Variants in TMPRSS7 observed in about 807,000 individuals in gnomAD.
TMPRSS7 encodes the protein transmembrane serine protease 7.
In TMPRSS7, 81 loss-of-function variants were observed where a neutral mutation model predicts 95.6. The ratio of observed to expected loss-of-function variants is 0.85; its 90% confidence interval spans 0.71 to 1.02. The LOEUF (loss-of-function observed/expected upper bound fraction) is 1.02. Ranked by LOEUF, TMPRSS7 falls within the 50% of genes least tolerant of loss-of-function variation. TMPRSS7 has a pLI of 0.00. For missense variants in TMPRSS7, 945 were observed against 955.2 expected, an observed-to-expected ratio of 0.99 and a Z score of 0.14; for synonymous variants, 364 against 337.8, an observed-to-expected ratio of 1.08 and a Z score of -0.85.
intron 12 of TMPRSS7, among the ~76,000 whole-genome samples, chr3:112,064,822 CTA>C (rs1331442730): frequency 6.6e-6 from 1 of 152,146 alleles, no homozygotes; most frequent in Non-Finnish European, 1.5e-5. Context: ...ATTCTTGAAT[CTA>C]TCTCTAGTTT....
exon 5 of TMPRSS7, chr3:112,045,844 G>A (rs866247414): frequency 1.4e-5 from 21 of 1,551,790 alleles, no homozygotes; most frequent in Middle Eastern, 1.7e-4. Context: ...CTGTGTTGCC[G>A]CCATCTTGAA....
At chr3:112,050,530 A>AAAAAAAAAAAAAAC in intron 8 of TMPRSS7, 141 bp from the exon 9 acceptor site, 1 of 363,876 alleles carries the variant, frequency 2.7e-6, no homozygotes, top group Admixed American at 3.7e-5. Context: ...CTGAAAAAAA[A>AAAAAAAAAAAAAAC]AAAAAAAACC....
Position 112,077,065 on chromosome 3 carries a change from A to G in TMPRSS7, c.2145A>G (p.Ile715Met), listed in dbSNP as rs1445387234. 1.9e-5 allele frequency: 31 copies of G among 1,614,072 alleles called. No homozygotes were observed. The East Asian group carries it at 6.0e-4, about 31-fold the overall frequency. The change falls in exon 16 of 18, where the codon ATA becomes ATG. Residue 715 changes from isoleucine (I) to methionine (M), a missense_variant. Transcript: ENST00000452346. ...CCCTGAAACAGCTCATTCAGCCAATATGCATTCCTCCCACTGGTCAGAGAG... is the reference window on the plus strand; with the variant it reads ...CCCTGAAACAGCTCATTCAGCCAATGTGCATTCCTCCCACTGGTCAGAGAG...
exon 14 of TMPRSS7, chr3:112,074,347 G>A: frequency 6.2e-7 from 1 of 1,614,070 alleles, no homozygotes; most frequent in Non-Finnish European, 8.5e-7. Flanking sequence ...ATTTGCTTTA[G>A]GAAACAAAAT....
At chr3:112,048,036 T>A (rs1396573921) in intron 7 of TMPRSS7, 69 bp downstream of exon 7, 1 of 1,458,892 alleles carries the variant, frequency 6.9e-7, no homozygotes, top group East Asian at 2.3e-5. Context: ...AGTATCTGTG[T>A]TCCCCCTGGA....
intron 8 of TMPRSS7, 103 bp from the exon 9 acceptor site, chr3:112,050,568 T>G: frequency 2.4e-6 from 1 of 417,036 alleles, no homozygotes; most frequent in Non-Finnish European, 4.2e-6. Context: ...ATAAAGCTTG[T>G]CGATCAAGGA....
chr3:112,062,056 TATAATAA>T (rs2073515391), intron 11 of TMPRSS7, 133 bp downstream of exon 11: 2 of 402,934 alleles, frequency 5.0e-6, no homozygotes, highest in Admixed American at 9.7e-5. Flanking sequence ...TACTTATTTC[TATAATAA>T]ATAATAATTA....
intron 7 of TMPRSS7, 94 bp from the exon 8 acceptor site, chr3:112,049,750 A>G: frequency 9.5e-7 from 1 of 1,049,560 alleles, no homozygotes; most frequent in Non-Finnish European, 1.3e-6. Flanking sequence ...GATTGAATGG[A>G]TGGCCCAGGA....
chr3:112,057,182 A>T lies in TMPRSS7; in HGVS notation c.1310+51A>T, dbSNP rs1576110009. 1.6e-5 allele frequency: 21 copies of T among 1,326,992 alleles called. No individual in the cohort carries two copies. In the East Asian group the frequency reaches 4.6e-4, roughly 29 times the overall value. The allele number at this position is 1,326,992 out of a possible 1,614,324, so 82.2% of individuals were successfully genotyped here. On this transcript the variant is annotated intron_variant, in intron 10 of 17. Coordinates refer to ENST00000452346, the Ensembl canonical transcript of TMPRSS7. ...ATGTGAGGCATCTGATGAAAAGTTC[A>T]TAGCTGTGTGTTCCTTGTCCTCAAA...
rs938356017 is a variant in TMPRSS7, at chr3:112,078,950, A to G, written c.2361+72A>G. 3.2e-6 allele frequency: 5 copies of G among 1,543,198 alleles called. No individual in the cohort carries two copies. The Admixed American group carries it at 5.4e-5, about 17-fold the overall frequency. ...AAATGCTTTCTCACTTAATCTACAT[A>G]ACACTGGGAAATAACCAGGGCAGGT... On this transcript the variant is annotated intron_variant, in intron 17 of 17. Coordinates refer to ENST00000452346, the Ensembl canonical transcript of TMPRSS7.
chr3:112,055,454 G>GACACACACAC (rs142185504), intron 9 of TMPRSS7, among the ~76,000 whole-genome samples: 2,564 of 148,930 alleles, frequency 0.017, 26 homozygotes, highest in South Asian at 0.028. Context: ...CACTTGCGCA[G>GACACACACAC]ACACACACAC....
chr3:112,053,417 A>G (rs1479623859), intron 9 of TMPRSS7, among the ~76,000 whole-genome samples: 2 of 152,164 alleles, frequency 1.3e-5, no homozygotes, highest in Non-Finnish European at 2.9e-5. Flanking sequence ...TCTTCTCTCA[A>G]GCTCTCTTGT....
chr3:112,040,701 G>A (rs1451366156), intron 2 of TMPRSS7, among the ~76,000 whole-genome samples: 1 of 152,232 alleles, frequency 6.6e-6, no homozygotes, highest in African/African-American at 2.4e-5. Context: ...TTGTGCAGAT[G>A]TAGTTTGTTG....
intron 10 of TMPRSS7, among the ~76,000 whole-genome samples, chr3:112,060,859 T>G (rs2073494937): frequency 6.6e-6 from 1 of 151,694 alleles, no homozygotes; most frequent in Non-Finnish European, 1.5e-5. Context: ...CCATGAAATC[T>G]TCACAATTTA....
chr3:112,077,137 C>G, exon 16 of TMPRSS7: 1 of 1,613,746 alleles, frequency 6.2e-7, no homozygotes, highest in Non-Finnish European at 8.5e-7. Flanking sequence ...GGCGAAGACA[C>G]GAAGCAGGTG....
exon 7 of TMPRSS7, chr3:112,047,780 C>G (rs1167860696): frequency 8.7e-6 from 14 of 1,614,082 alleles, no homozygotes; most frequent in Non-Finnish European, 1.2e-5. Flanking sequence ...GCATCTGTCT[C>G]TCCACTACCC....
intron 9 of TMPRSS7, among the ~76,000 whole-genome samples, chr3:112,055,288 G>C (rs1019672962): frequency 1.3e-5 from 2 of 151,920 alleles, no homozygotes; most frequent in African/African-American, 4.8e-5. Flanking sequence ...GGTTAGTCTT[G>C]GTTTTTACTT....
At chr3:112,050,116 C>A in intron 8 of TMPRSS7, 142 bp downstream of exon 8, 1 of 738,330 alleles carries the variant, frequency 1.4e-6, no homozygotes, top group South Asian at 4.8e-5. Flanking sequence ...AAGAGAGAGA[C>A]CATATTAGTT....
intron 12 of TMPRSS7, among the ~76,000 whole-genome samples, chr3:112,064,043 C>T (rs1440501927): frequency 6.6e-6 from 1 of 152,230 alleles, no homozygotes; most frequent in Non-Finnish European, 1.5e-5. Flanking sequence ...ATTTGTGTTA[C>T]ATTCTATTGT....
Sources: gnomAD v4.1 joint callset for allele counts (sites outside exome capture counted in the v4.1 genomes callset) on GRCh38, gnomAD v4.1.1 for gene constraint, MANE v1.5 for transcripts, NCBI Gene and HGNC (gene_info 2026-07-23, HGNC 2026-07-21) for gene names.